The following ACTR3C variants were observed in gnomAD, a reference collection of about 807,000 sequenced individuals.
The protein encoded by ACTR3C is actin-related protein 3C.
Under a neutral mutation model 26.3 loss-of-function variants are expected in ACTR3C, and 18 were observed. The observed-to-expected ratio is 0.68, with a 90% CI of 0.47 to 1.01. The LOEUF is 1.01. Among genes scored for constraint, ACTR3C ranks in the 50% least tolerant of loss-of-function variants. The pLI is 0.00. For synonymous variants in ACTR3C, 55 were observed against 94.5 expected, an observed-to-expected ratio of 0.58 and a Z score of 2.42; for missense variants, 184 against 250.7, an observed-to-expected ratio of 0.73 and a Z score of 1.80.
At chr7:150,138,834 G>A in the ACTR3C span, among the ~76,000 whole-genome samples, 71 of 152,416 alleles carry the variant, frequency 4.7e-4, no homozygotes, top group Admixed American at 7.8e-4. Flanking sequence ...TCTGCCTCCC[G>A]TCAGGTCAGC....
At chr7:150,023,660 T>C in the ACTR3C span, among the ~76,000 whole-genome samples, 1 of 150,464 alleles carries the variant, frequency 6.6e-6, no homozygotes, top group Non-Finnish European at 1.5e-5. Flanking sequence ...GGGGAGATTT[T>C]TAGCTAAGAA....
the ACTR3C span, among the ~76,000 whole-genome samples, chr7:150,036,595 T>G: frequency 1.4e-5 from 2 of 144,140 alleles, 1 homozygote; most frequent in Admixed American, 1.4e-4. Context: ...TGGCTAATAC[T>G]GCAATGTTTG....
the ACTR3C span, among the ~76,000 whole-genome samples, chr7:150,064,120 C>T: frequency 6.6e-6 from 1 of 152,012 alleles, no homozygotes; most frequent in Non-Finnish European, 1.5e-5. Flanking sequence ...GCTGGGGCTC[C>T]TTCTGTATCT....
chr7:150,259,168 A>C (rs1373740232), intron 6 of ACTR3C, among the ~76,000 whole-genome samples: 1 of 152,020 alleles, frequency 6.6e-6, no homozygotes, highest in Admixed American at 6.6e-5. Flanking sequence ...TCTTTTCAGA[A>C]TATCTTCACA....
chr7:150,143,479 T>C, the ACTR3C span, among the ~76,000 whole-genome samples: 1 of 152,098 alleles, frequency 6.6e-6, no homozygotes, highest in South Asian at 2.1e-4. Flanking sequence ...ATTCACCCTT[T>C]TCAGCTTGCA....
chr7:149,948,857 C>T, the ACTR3C span, among the ~76,000 whole-genome samples: 10 of 151,816 alleles, frequency 6.6e-5, no homozygotes, highest in African/African-American at 1.5e-4. Context: ...TGGTCTCGGA[C>T]GTGATCCACC....
At chr7:149,901,825 T>C in the ACTR3C span, among the ~76,000 whole-genome samples, 2 of 138,768 alleles carry the variant, frequency 1.4e-5, no homozygotes, top group African/African-American at 2.7e-5. Flanking sequence ...GAGGCAGAAT[T>C]GCTTGAACCC....
Position 150,323,536 on chromosome 7 carries a change from G to T in ACTR3C, c.-119C>A, listed in dbSNP as rs534922901. 17 of 436,304 alleles carry T rather than the reference G, an allele frequency of 3.9e-5. No homozygotes were observed. Among genetic ancestry groups the T allele is most frequent in the African/African-American group, 3.3e-4 (16 of 48,012 alleles). The allele number at this position is 436,304 out of a possible 1,614,324, so 27.0% of individuals were successfully genotyped here. On this transcript the variant is annotated 5_prime_UTR_variant, in exon 1 of 8. Coordinates refer to ENST00000683684, the MANE Select transcript of ACTR3C (RefSeq NM_001164458.2). ...ACTTCCCAGCTTGGCCAGTGGCTCCGCAGGCTGCCGGCTCCACCCCTCAGG... is the reference window on the plus strand; with the variant it reads ...ACTTCCCAGCTTGGCCAGTGGCTCCTCAGGCTGCCGGCTCCACCCCTCAGG...
At chr7:150,320,714 G>A (rs1028348562) in intron 1 of ACTR3C, among the ~76,000 whole-genome samples, 2 of 152,218 alleles carry the variant, frequency 1.3e-5, no homozygotes, top group Non-Finnish European at 2.9e-5. Context: ...AGTGAGCCGA[G>A]ATGGTGGCAT....
At chr7:150,230,911 C>T in the ACTR3C span, among the ~76,000 whole-genome samples, 1 of 142,144 alleles carries the variant, frequency 7.0e-6, no homozygotes, top group Non-Finnish European at 1.5e-5. Context: ...ATTTATCAAT[C>T]AATTTTATTG....
At chr7:150,085,958 A>T in the ACTR3C span, among the ~76,000 whole-genome samples, 1 of 148,562 alleles carries the variant, frequency 6.7e-6, no homozygotes, top group Non-Finnish European at 1.5e-5. Context: ...CTAGCCCATG[A>T]TTTTTTTTTT....
the ACTR3C span, among the ~76,000 whole-genome samples, chr7:149,965,534 T>C: frequency 6.7e-6 from 1 of 149,154 alleles, no homozygotes. Context: ...ACTCTAATTC[T>C]TGGCTTCCTT....
the ACTR3C span, among the ~76,000 whole-genome samples, chr7:150,145,329 G>A: frequency 6.6e-6 from 1 of 152,170 alleles, no homozygotes; most frequent in African/African-American, 2.4e-5. Flanking sequence ...GACCAATGGA[G>A]AAAAGCCACC....
At chr7:149,976,384 C>A in the ACTR3C span, among the ~76,000 whole-genome samples, 1 of 151,832 alleles carries the variant, frequency 6.6e-6, no homozygotes, top group African/African-American at 2.4e-5. Flanking sequence ...ACCATCCTGG[C>A]TAACATGGTG....
In ACTR3C at chr7:150,249,004, C is replaced by T. The variant is rs1273746349; in HGVS notation, c.615G>A (p.Leu205=). Residue 205 remains leucine, a synonymous_variant, in exon 7 of 8, where the codon CTG becomes CTA. Transcript: ENST00000683684. ...TATCATCTCAATGAAATGGAGGTGA[C>T]AGAGGATGGAATCCGTGACCTTGAG... ...SYPQGHGFHP[L]SPPFH The T allele has an allele frequency of 2.9e-6, 2 of 682,394 alleles. No individual in the cohort carries two copies. Among genetic ancestry groups the T allele is most frequent in the Non-Finnish European group, 2.7e-6 (1 of 376,862 alleles). 42.3% of individuals were successfully genotyped at this position (682,394 alleles called of 1,614,324 possible). A position where few individuals can be genotyped will look rare whatever the true frequency, so the allele number is the denominator to read the frequency against.
chr7:149,984,459 C>G, the ACTR3C span, among the ~76,000 whole-genome samples: 1 of 151,812 alleles, frequency 6.6e-6, no homozygotes, highest in Non-Finnish European at 1.5e-5. Flanking sequence ...CCGCCTCAGC[C>G]TCCCAAAATA....
At chr7:150,001,145 C>T in the ACTR3C span, 2 of 152,260 alleles carry the variant, frequency 1.3e-5, no homozygotes, top group African/African-American at 4.8e-5. Flanking sequence ...ATCTTCCCCT[C>T]CAAATGGTGT....
chr7:150,131,837 A>G, the ACTR3C span, among the ~76,000 whole-genome samples: 1 of 152,250 alleles, frequency 6.6e-6, no homozygotes, highest in Non-Finnish European at 1.5e-5. Context: ...ACAGATAAAG[A>G]AAATGTGGTA....
At chr7:149,968,319 G>C in the ACTR3C span, among the ~76,000 whole-genome samples, 6 of 152,228 alleles carry the variant, frequency 3.9e-5, no homozygotes, top group Admixed American at 3.9e-4. Context: ...GCTGAGGCGG[G>C]TGGATCACGA....
Sources: allele counts gnomAD v4.1 joint callset (sites outside exome capture counted in the v4.1 genomes callset), GRCh38; gene constraint gnomAD v4.1.1; transcripts MANE v1.5; gene names NCBI Gene and HGNC (gene_info 2026-07-23, HGNC 2026-07-21).